The following HDAC4 variants were observed in gnomAD, a reference collection of about 807,000 sequenced individuals.
The protein encoded by HDAC4 is histone deacetylase 4, also known as histone deacetylase A.
Under a neutral mutation model 135.1 loss-of-function variants are expected in HDAC4, and 16 were observed. That is an observed-to-expected ratio of 0.12 (90% CI 0.08 to 0.18). The LOEUF (loss-of-function observed/expected upper bound fraction) is 0.18, where lower values mean the gene tolerates loss of function less well. Among genes scored for constraint, HDAC4 ranks in the 10% least tolerant of loss-of-function variants. HDAC4 has a pLI of 1.00. For missense variants in HDAC4, 1,143 were observed against 1,511.8 expected, an observed-to-expected ratio of 0.76 and a Z score of 4.05; for synonymous variants, 685 against 653.4, an observed-to-expected ratio of 1.05 and a Z score of -0.74.
At chr2:239,132,674 C>T (rs2040676226) in intron 11 of HDAC4, among the ~76,000 whole-genome samples, 1 of 152,216 alleles carries the variant, frequency 6.6e-6, no homozygotes. Flanking sequence ...GACCCATGCA[C>T]ACTCGATATC....
At chr2:239,267,904 T>A (rs1002312825) in intron 2 of HDAC4, among the ~76,000 whole-genome samples, 2 of 152,212 alleles carry the variant, frequency 1.3e-5, no homozygotes, top group African/African-American at 4.8e-5. Flanking sequence ...TTCCAAACAG[T>A]CTTTCAAATA....
At position 239,307,413 on chromosome 2, in the gene HDAC4, G is replaced by C. The variant is rs2052656040; in HGVS notation, c.22+45265C>G. ...ACTGGGCCCCAGGAGAGAGGGGCTT[G>C]AAGGATGGGTACCCCAAGCTGTCAA... On this transcript the variant is annotated intron_variant, in intron 2 of 26. Transcript: ENST00000543185. This position sits in a 1 kb window ranked among gnomAD's most constrained non-coding sequence, Gnocchi z 4.8. 6.6e-6 allele frequency among the ~76,000 whole-genome samples: 1 copy of C among 152,168 alleles called. No homozygotes were observed. The highest frequency in any genetic ancestry group is 2.4e-5 in the African/African-American group (1 of 41,430).
chr2:239,366,425 G>C (rs1384937382), intron 1 of HDAC4, among the ~76,000 whole-genome samples: 1 of 152,236 alleles, frequency 6.6e-6, no homozygotes, highest in African/African-American at 2.4e-5. Flanking sequence ...GAGGAAAAGA[G>C]ATGTCAGCAC....
intron 15 of HDAC4, 141 bp from the exon 16 acceptor site, chr2:239,103,037 A>G (rs1409556129): frequency 1.0e-6 from 1 of 974,056 alleles, no homozygotes; most frequent in Non-Finnish European, 1.6e-6. Context: ...TGGTTACTGC[A>G]AAAGAAGAAG....
chr2:239,164,809 A>AGTGG (rs1445728229), intron 5 of HDAC4, among the ~76,000 whole-genome samples: 2 of 152,252 alleles, frequency 1.3e-5, no homozygotes, highest in African/African-American at 4.8e-5. Context: ...AACATTTATG[A>AGTGG]GTGGGTAACA....
chr2:239,187,478 T>G (rs940587107), intron 4 of HDAC4, among the ~76,000 whole-genome samples: 1 of 152,260 alleles, frequency 6.6e-6, no homozygotes, highest in Non-Finnish European at 1.5e-5. Context: ...CTGGGCAGGC[T>G]GCAGGGATTG....
At chr2:239,391,002 A>G (rs1696162999) in intron 1 of HDAC4, among the ~76,000 whole-genome samples, 2 of 152,254 alleles carry the variant, frequency 1.3e-5, no homozygotes, top group African/African-American at 4.8e-5. Flanking sequence ...ACTGGGAAGC[A>G]TGACAGACGG....
chr2:239,318,823 T>C (rs1388449594), intron 2 of HDAC4, among the ~76,000 whole-genome samples: 2 of 152,214 alleles, frequency 1.3e-5, no homozygotes, highest in South Asian at 2.1e-4. Context: ...CCCATTATTA[T>C]TGGAAGACAC....
Position 239,294,304 on chromosome 2 carries a change from G to A in HDAC4, c.23-57640C>T, listed in dbSNP as rs139958242. On this transcript the variant is annotated intron_variant, in intron 2 of 26. Coordinates refer to ENST00000543185, the MANE Select transcript of HDAC4 (RefSeq NM_001378414.1). ...CAGGGAAGCTGTTCGCCGTGAGGACGTGGACACTGGGAGCTCCTGATGGGC... is the reference window on the plus strand; with the variant it reads ...CAGGGAAGCTGTTCGCCGTGAGGACATGGACACTGGGAGCTCCTGATGGGC... 7.7e-3 allele frequency among the ~76,000 whole-genome samples: 1,171 copies of A among 152,308 alleles called. 13 individuals carry two copies. The highest frequency in any genetic ancestry group is 0.026 in the African/African-American group (1,066 of 41,550).
Position 239,068,743 on chromosome 2 carries a change from A to G in HDAC4, c.2751-136T>C, listed in dbSNP as rs934586105. On this transcript the variant is annotated intron_variant, in intron 22 of 26. Coordinates refer to ENST00000543185, the MANE Select transcript of HDAC4 (RefSeq NM_001378414.1). The surrounding 1 kb of genome is among the most constrained non-coding windows in gnomAD (Gnocchi z 4.4). ...GCCACTGGCGGGCTGAGGGCTCCAC[A>G]CAGCAGGCTGGAATCTGGCGACCAC... 3 of 776,468 alleles carry G rather than the reference A, an allele frequency of 3.9e-6. No individual in the cohort carries two copies. The highest frequency in any genetic ancestry group is 6.9e-6 in the Non-Finnish European group (3 of 434,196). The allele number at this position is 776,468 out of a possible 1,614,324, so 48.1% of individuals were successfully genotyped here. A position where few individuals can be genotyped will look rare whatever the true frequency, so the allele number is the denominator to read the frequency against.
At chr2:239,282,834 C>A (rs1470527533) in intron 2 of HDAC4, among the ~76,000 whole-genome samples, 5 of 149,720 alleles carry the variant, frequency 3.3e-5, no homozygotes, top group Non-Finnish European at 7.4e-5. Context: ...ACACACCACT[C>A]TACAATGTAC....
At chr2:239,088,588 C>G (rs146854850) in intron 18 of HDAC4, among the ~76,000 whole-genome samples, 2,205 of 152,246 alleles carry the variant, frequency 0.014, 25 homozygotes, top group Non-Finnish European at 0.021. Flanking sequence ...GCTGAAGCAC[C>G]GGAGGGTAGA....
At chr2:239,259,746 T>G (rs747080653) in intron 2 of HDAC4, among the ~76,000 whole-genome samples, 4 of 152,180 alleles carry the variant, frequency 2.6e-5, no homozygotes, top group Non-Finnish European at 5.9e-5. Context: ...AAAAGACTAA[T>G]GAAGAGGAAA....
chr2:239,337,723 T>A (rs1692033671), intron 2 of HDAC4, among the ~76,000 whole-genome samples: 1 of 152,082 alleles, frequency 6.6e-6, no homozygotes, highest in African/African-American at 2.4e-5. Flanking sequence ...GGAGACAGGA[T>A]GCACCCAAAG....
intron 9 of HDAC4, among the ~76,000 whole-genome samples, chr2:239,137,746 C>A (rs1464126970): frequency 2.0e-5 from 3 of 152,092 alleles, no homozygotes; most frequent in African/African-American, 7.2e-5. Context: ...TCTCACAGAC[C>A]CGTCCAACTC....
rs2052679342 is a variant in HDAC4 at position 239,307,853 on chromosome 2, C to A, written c.22+44825G>T. 6.6e-6 allele frequency among the ~76,000 whole-genome samples: 1 copy of A among 152,190 alleles called. No individual in the cohort carries two copies. Among genetic ancestry groups the A allele is most frequent in the Admixed American group, 6.5e-5 (1 of 15,274 alleles). On this transcript the variant is annotated intron_variant, in intron 2 of 26. Transcript: ENST00000543185. The surrounding 1 kb of genome is among the most constrained non-coding windows in gnomAD (Gnocchi z 4.8). The stretch of plus-strand genomic sequence containing the variant: ...CCCACAGCCACTGTGGATTTGGGGA[C>A]TGTCACACACGTCTCCACGCACCCC...
rs539901110 is a variant in HDAC4 at position 239,331,817 on chromosome 2, C to A, written c.22+20861G>T. 6.6e-6 allele frequency among the ~76,000 whole-genome samples: 1 copy of A among 152,120 alleles called. No individual in the cohort carries two copies. The highest frequency in any genetic ancestry group is 2.4e-5 in the African/African-American group (1 of 41,398). ...GTGGAAAGAGGGCACACTCGGCCCG[C>A]GTGTCCTCCAGAGGCTGAGGAGCGG... On this transcript the variant is annotated intron_variant, in intron 2 of 26. Transcript: ENST00000543185. This position sits in a 1 kb window ranked among gnomAD's most constrained non-coding sequence, Gnocchi z 4.5.
At chr2:239,096,453 C>T (rs1483377111) in intron 16 of HDAC4, among the ~76,000 whole-genome samples, 2 of 141,336 alleles carry the variant, frequency 1.4e-5, no homozygotes, top group African/African-American at 2.7e-5. Flanking sequence ...CACCCCACCA[C>T]GGATGACTGC....
intron 16 of HDAC4, among the ~76,000 whole-genome samples, chr2:239,099,741 C>T (rs1472044382): frequency 2.0e-5 from 3 of 152,214 alleles, no homozygotes; most frequent in African/African-American, 4.8e-5. Context: ...CCAAGGAGCG[C>T]GTGCCCCCTT....
Sources: gnomAD v4.1 joint callset for allele counts (sites outside exome capture counted in the v4.1 genomes callset) on GRCh38, gnomAD v4.1.1 for gene constraint, Gnocchi (gnomAD v3.1) non-coding constraint, MANE v1.5 for transcripts, NCBI Gene and HGNC (gene_info 2026-07-23, HGNC 2026-07-21) for gene names.